The following PRKAR2A variants were observed in gnomAD, a reference collection of about 807,000 sequenced individuals.
PRKAR2A encodes the protein cAMP-dependent protein kinase type II-alpha regulatory subunit.
PRKAR2A carries 29 observed loss-of-function variants against 51.9 expected under a neutral mutation model. The observed-to-expected ratio is 0.56, with a 90% CI of 0.42 to 0.76. The LOEUF is 0.76. PRKAR2A is among the 30% of genes least tolerant of loss of function. PRKAR2A has a pLI of 0.00. For missense variants in PRKAR2A, 445 were observed against 512.1 expected (o/e 0.87, Z 1.26); for synonymous variants, 178 against 186.2 (o/e 0.96, Z 0.36).
At chr3:48,778,814 G>C (rs532862042) in intron 5 of PRKAR2A, among the ~76,000 whole-genome samples, 1 of 146,702 alleles carries the variant, frequency 6.8e-6, no homozygotes, top group Non-Finnish European at 1.5e-5. Flanking sequence ...CACGGTGCTC[G>C]GCCTGCATTT....
chr3:48,810,530 T>C (rs2107369415), intron 1 of PRKAR2A, among the ~76,000 whole-genome samples: 1 of 152,290 alleles, frequency 6.6e-6, no homozygotes, highest in East Asian at 1.9e-4. Flanking sequence ...TTTTGGAACT[T>C]TGTGGAATTT....
intron 8 of PRKAR2A, among the ~76,000 whole-genome samples, chr3:48,763,304 C>A (rs547698709): frequency 1.4e-4 from 21 of 152,118 alleles, no homozygotes; most frequent in Non-Finnish European, 2.4e-4. Flanking sequence ...AAGGGACCTA[C>A]AATAAGCCCC....
intron 1 of PRKAR2A, among the ~76,000 whole-genome samples, chr3:48,835,244 T>C (rs1430530237): frequency 1.3e-5 from 2 of 151,480 alleles, no homozygotes; most frequent in Non-Finnish European, 2.9e-5. Flanking sequence ...GTGCTGGGAT[T>C]ACAGGCGTGA....
At position 48,829,596 on chromosome 3, in the gene PRKAR2A, A is replaced by G; in HGVS notation, c.262+17739T>C. On this transcript the variant is annotated intron_variant, in intron 1 of 10. Coordinates refer to ENST00000265563, the MANE Select transcript of PRKAR2A (RefSeq NM_004157.4). ...TAAATATATATGTGTGTATATATACACACACATAAATGTGTGTGTGTATAC... is the reference window on the plus strand; with the variant it reads ...TAAATATATATGTGTGTATATATACGCACACATAAATGTGTGTGTGTATAC... Among the ~76,000 whole-genome samples, 2 of 42,494 alleles carry G rather than the reference A, an allele frequency of 4.7e-5. 1 individual carries two copies. The highest frequency in any genetic ancestry group is 3.2e-4 in the African/African-American group (2 of 6,234). 27.9% of individuals were successfully genotyped at this position (42,494 alleles called of 152,430 possible).
intron 8 of PRKAR2A, 55 bp downstream of exon 8, chr3:48,764,949 A>C: frequency 6.7e-7 from 1 of 1,483,060 alleles, no homozygotes; most frequent in Non-Finnish European, 9.4e-7. Context: ...TAAATGATGT[A>C]CTAGTTCTTC....
chr3:48,830,479 T>C (rs943364351), intron 1 of PRKAR2A, among the ~76,000 whole-genome samples: 4 of 152,174 alleles, frequency 2.6e-5, no homozygotes, highest in African/African-American at 9.7e-5. Context: ...AGGTATACAC[T>C]CTTAAATAAT....
intron 1 of PRKAR2A, among the ~76,000 whole-genome samples, chr3:48,819,722 T>C (rs560599081): frequency 6.6e-6 from 1 of 152,280 alleles, no homozygotes; most frequent in African/African-American, 2.4e-5. Context: ...TAAGCTCCTA[T>C]AGTCAAGTGC....
At chr3:48,758,066 T>G (rs1443329351) in intron 8 of PRKAR2A, among the ~76,000 whole-genome samples, 1 of 149,302 alleles carries the variant, frequency 6.7e-6, no homozygotes, top group Non-Finnish European at 1.5e-5. Flanking sequence ...CAAAAATAAA[T>G]AAAATACATA....
At position 48,765,098 on chromosome 3, in the gene PRKAR2A, A is replaced by C. The variant is rs766237223; in HGVS notation, c.799-20T>G. ...TGACACCTGAAACAACAAATTCACA[A>C]ATAAAAGGAAAAGACCTTAATTGAA... On this transcript the variant is annotated intron_variant, in intron 7 of 10. Transcript: ENST00000265563. 2 of 1,609,944 alleles carry C rather than the reference A, an allele frequency of 1.2e-6. No homozygotes were observed. The highest frequency in any genetic ancestry group is 1.7e-5 in the Admixed American group (1 of 59,986).
intron 9 of PRKAR2A, 48 bp downstream of exon 9, chr3:48,756,331 T>C (rs767563351): frequency 2.0e-6 from 3 of 1,477,752 alleles, no homozygotes; most frequent in African/African-American, 1.4e-5. Flanking sequence ...TTAAAACAAA[T>C]AGTTACTTTT....
At chr3:48,772,348 A>G (rs2082040668) in intron 6 of PRKAR2A, among the ~76,000 whole-genome samples, 1 of 150,776 alleles carries the variant, frequency 6.6e-6, no homozygotes, top group African/African-American at 2.4e-5. Context: ...CTGGGACTAC[A>G]GGCGCCCATC....
rs1210406137 is a variant in PRKAR2A at position 48,783,107 on chromosome 3, C to T, written c.436-15G>A. 7 of 1,564,318 alleles carry T rather than the reference C, an allele frequency of 4.5e-6. No homozygotes were observed. Among genetic ancestry groups the T allele is most frequent in the Non-Finnish European group, 6.1e-6 (7 of 1,139,832 alleles). On this transcript the variant is annotated splice_polypyrimidine_tract_variant and intron_variant, in intron 4 of 10. Coordinates refer to ENST00000265563, the MANE Select transcript of PRKAR2A (RefSeq NM_004157.4). ...GAAAGCTGTTCCTGCAGGGTATGCA[C>T]AAGAAGAAAAAAATAGCCTTTACAT...
intron 1 of PRKAR2A, among the ~76,000 whole-genome samples, chr3:48,831,365 CTT>C (rs539375236): frequency 8.7e-5 from 11 of 126,322 alleles, no homozygotes; most frequent in Admixed American, 8.5e-5. Flanking sequence ...TCCAAAATAT[CTT>C]TTTTTTTTTT....
intron 2 of PRKAR2A, among the ~76,000 whole-genome samples, chr3:48,804,146 G>A (rs563734310): frequency 1.3e-5 from 2 of 152,006 alleles, no homozygotes; most frequent in Non-Finnish European, 2.9e-5. Context: ...TAACAAAGTC[G>A]GTTTAGCAAA....
chr3:48,785,765 T>C (rs1239349210), intron 4 of PRKAR2A, among the ~76,000 whole-genome samples: 2 of 152,262 alleles, frequency 1.3e-5, no homozygotes, highest in African/African-American at 2.4e-5. Flanking sequence ...ATGTCATAAA[T>C]GGCTCAGAAC....
intron 2 of PRKAR2A, among the ~76,000 whole-genome samples, chr3:48,795,219 C>G (rs970966427): frequency 6.6e-6 from 1 of 152,052 alleles, no homozygotes; most frequent in African/African-American, 2.4e-5. Flanking sequence ...CTCAACCACC[C>G]GCCTCGGCCT....
chr3:48,790,701 G>C (rs1453192297), intron 3 of PRKAR2A, 74 bp from the exon 4 acceptor site: 2 of 958,142 alleles, frequency 2.1e-6, no homozygotes, highest in Non-Finnish European at 2.9e-6. Flanking sequence ...TGGTATATTT[G>C]TTTCTCCAAA....
chr3:48,841,132 C>T (rs1450202559), intron 1 of PRKAR2A, among the ~76,000 whole-genome samples: 2 of 151,442 alleles, frequency 1.3e-5, no homozygotes, highest in African/African-American at 2.4e-5. Flanking sequence ...GTGATCCGCC[C>T]GCCTCGGCCC....
chr3:48,764,180 A>G (rs2081903985), intron 8 of PRKAR2A, among the ~76,000 whole-genome samples: 1 of 152,226 alleles, frequency 6.6e-6, no homozygotes, highest in Non-Finnish European at 1.5e-5. Context: ...TTATACCTGG[A>G]AAAGTCCAAT....
Sources: allele counts gnomAD v4.1 joint callset (sites outside exome capture counted in the v4.1 genomes callset), GRCh38; gene constraint gnomAD v4.1.1; transcripts MANE v1.5; gene names NCBI Gene and HGNC (gene_info 2026-07-23, HGNC 2026-07-21).